Variants in CAMTA1 observed in about 807,000 individuals in gnomAD.
The protein encoded by CAMTA1 is calmodulin-binding transcription activator 1.
In CAMTA1, 27 loss-of-function variants were observed where a neutral mutation model predicts 170.9. That is an observed-to-expected ratio of 0.16 (90% CI 0.12 to 0.22). The LOEUF (loss-of-function observed/expected upper bound fraction) is 0.22. CAMTA1 is among the 10% of genes least tolerant of loss of function. CAMTA1 has a pLI of 1.00. For missense variants in CAMTA1, 1,619 were observed against 2,217.2 expected, an observed-to-expected ratio of 0.73 and a Z score of 5.42; for synonymous variants, 833 against 891.5, an observed-to-expected ratio of 0.93 and a Z score of 1.17.
chr1:7,714,096 C>G (rs930715488), intron 11 of CAMTA1, among the ~76,000 whole-genome samples: 1 of 152,170 alleles, frequency 6.6e-6, no homozygotes, highest in Admixed American at 6.5e-5. Flanking sequence ...AAGACACTGA[C>G]TTTTAGCCAA....
intron 6 of CAMTA1, among the ~76,000 whole-genome samples, chr1:7,515,095 C>G (rs112245970): frequency 6.6e-6 from 1 of 151,440 alleles, no homozygotes; most frequent in Non-Finnish European, 1.5e-5. Flanking sequence ...GCTCCCTCCA[C>G]CTGGGATCAT....
At chr1:7,758,732 G>T (rs551377591) in intron 22 of CAMTA1, among the ~76,000 whole-genome samples, 1 of 151,920 alleles carries the variant, frequency 6.6e-6, no homozygotes, top group African/African-American at 2.4e-5. Flanking sequence ...TCAGGAGATC[G>T]AGACCATCCT....
chr1:7,173,323 C>T lies in CAMTA1; in HGVS notation c.303-76168C>T, dbSNP rs957964971. On this transcript the variant is annotated intron_variant, in intron 4 of 22. Transcript: ENST00000303635. This position sits in a 1 kb window ranked among gnomAD's most constrained non-coding sequence, Gnocchi z 5.4. ...GGCAGAGCGGGGTGCAGGGCCTGGC[C>T]GTGACTGAGGCTCCACGAACGCTGG... Among the ~76,000 whole-genome samples, 3 of 152,146 alleles carry T rather than the reference C, an allele frequency of 2.0e-5. No individual in the cohort carries two copies. The highest frequency in any genetic ancestry group is 2.1e-4 in the South Asian group (1 of 4,832).
intron 1 of CAMTA1, among the ~76,000 whole-genome samples, chr1:6,817,099 T>C (rs1645915713): frequency 6.6e-6 from 1 of 152,246 alleles, no homozygotes; most frequent in Non-Finnish European, 1.5e-5. Context: ...GTTCTTCCTG[T>C]TATTTCAGAT....
chr1:7,712,758 A>G (rs1199307299), intron 11 of CAMTA1, among the ~76,000 whole-genome samples: 1 of 152,216 alleles, frequency 6.6e-6, no homozygotes, highest in African/African-American at 2.4e-5. Flanking sequence ...GGTAATTTGT[A>G]GAGAAAAAGA....
At position 7,673,549 on chromosome 1, in the gene CAMTA1, G is replaced by A. The variant is rs1227631935; in HGVS notation, c.2779+2512G>A. On this transcript the variant is annotated intron_variant, in intron 10 of 22. Coordinates refer to ENST00000303635, the MANE Select transcript of CAMTA1 (RefSeq NM_015215.4). The surrounding 1 kb of genome is among the most constrained non-coding windows in gnomAD (Gnocchi z 4.6). The stretch of plus-strand genomic sequence containing the variant: ...ATTTCTGGGTCCCCAGAGATGGCAG[G>A]TAGAGTCTCTGCCCAGGCCACTCAC... 1.3e-5 allele frequency among the ~76,000 whole-genome samples: 2 copies of A among 152,190 alleles called. No homozygotes were observed. Among genetic ancestry groups the A allele is most frequent in the East Asian group, 1.9e-4 (1 of 5,190 alleles).
In CAMTA1 at chr1:6,900,590, A is replaced by G. The variant is rs148129588; in HGVS notation, c.234+75380A>G. Among the ~76,000 whole-genome samples, 23 of 152,338 alleles carry G rather than the reference A, an allele frequency of 1.5e-4. 1 individual carries two copies. The East Asian group carries it at 4.4e-3, about 29-fold the overall frequency. On this transcript the variant is annotated intron_variant, in intron 3 of 22. Transcript: ENST00000303635. Reference sequence around the variant, plus strand: ...CCCAAGCACCTATGAGAATAAATGAATTCAGCAAGACAACAAGATACAAGA... The same window carrying G: ...CCCAAGCACCTATGAGAATAAATGAGTTCAGCAAGACAACAAGATACAAGA...
At chr1:6,806,895 C>A in intron 1 of CAMTA1, 1 of 411,252 alleles carries the variant, frequency 2.4e-6, no homozygotes, top group Admixed American at 4.2e-5. Context: ...CCTTGTAGTC[C>A]CGCAGGGGCC....
intron 3 of CAMTA1, among the ~76,000 whole-genome samples, chr1:6,835,526 A>G (rs1278536848): frequency 6.6e-6 from 1 of 152,194 alleles, no homozygotes; most frequent in Non-Finnish European, 1.5e-5. Flanking sequence ...TTGTTCAAAC[A>G]CAGATTGCTG....
chr1:7,631,489 T>C (rs2095668637), intron 6 of CAMTA1, among the ~76,000 whole-genome samples: 2 of 152,174 alleles, frequency 1.3e-5, no homozygotes, highest in Admixed American at 6.5e-5. Context: ...AGAACTTGAA[T>C]GTGGAGCCCG....
At chr1:7,537,020 G>A (rs574077531) in intron 6 of CAMTA1, among the ~76,000 whole-genome samples, 13 of 152,240 alleles carry the variant, frequency 8.5e-5, no homozygotes, top group South Asian at 4.1e-4. Context: ...GGAAGCCCTC[G>A]GCTTAGGCAG....
At chr1:7,111,023 C>G (rs1249761542) in intron 4 of CAMTA1, among the ~76,000 whole-genome samples, 1 of 152,240 alleles carries the variant, frequency 6.6e-6, no homozygotes, top group Non-Finnish European at 1.5e-5. Context: ...GAGAATCCAT[C>G]TCTTCACCTC....
chr1:6,877,846 A>G (rs2149040656), intron 3 of CAMTA1, among the ~76,000 whole-genome samples: 1 of 152,306 alleles, frequency 6.6e-6, no homozygotes, highest in African/African-American at 2.4e-5. Flanking sequence ...TAATGGTGGG[A>G]AAAGGACTGG....
At chr1:7,359,371 A>G (rs1049817282) in intron 5 of CAMTA1, among the ~76,000 whole-genome samples, 27 of 152,198 alleles carry the variant, frequency 1.8e-4, no homozygotes, top group African/African-American at 6.5e-4. Context: ...GGCCTCACCA[A>G]ACTGTGCTCT....
intron 6 of CAMTA1, among the ~76,000 whole-genome samples, chr1:7,566,709 G>T (rs1182933122): frequency 2.6e-5 from 4 of 152,198 alleles, no homozygotes; most frequent in African/African-American, 9.7e-5. Flanking sequence ...GTCACACTTA[G>T]AAGGCTCTCT....
chr1:6,950,495 G>A (rs967178449), intron 3 of CAMTA1, among the ~76,000 whole-genome samples: 2 of 152,166 alleles, frequency 1.3e-5, no homozygotes, highest in African/African-American at 2.4e-5. Context: ...CAGCCCCATA[G>A]CTCAGTGGAT....
chr1:6,942,168 C>T (rs1188500363), intron 3 of CAMTA1, among the ~76,000 whole-genome samples: 1 of 151,954 alleles, frequency 6.6e-6, no homozygotes, highest in Non-Finnish European at 1.5e-5. Flanking sequence ...TCATAATTGG[C>T]CTATACAATA....
chr1:7,715,311 A>G (rs769352953), intron 11 of CAMTA1, among the ~76,000 whole-genome samples: 3 of 152,174 alleles, frequency 2.0e-5, no homozygotes, highest in Non-Finnish European at 2.9e-5. Context: ...GGAGTTGGCT[A>G]TTAACGTTTT....
intron 6 of CAMTA1, among the ~76,000 whole-genome samples, chr1:7,623,239 A>T (rs1055936499): frequency 6.6e-6 from 1 of 152,192 alleles, no homozygotes; most frequent in African/African-American, 2.4e-5. Flanking sequence ...AGTCCCTGGT[A>T]TCTTGTGGTT....
Sources: allele counts gnomAD v4.1 joint callset (sites outside exome capture counted in the v4.1 genomes callset), GRCh38; gene constraint gnomAD v4.1.1; non-coding constraint Gnocchi (gnomAD v3.1); transcripts MANE v1.5; gene names NCBI Gene and HGNC (gene_info 2026-07-23, HGNC 2026-07-21).